Variants in FBXW11 observed in about 807,000 individuals in gnomAD.
FBXW11 encodes F-box/WD repeat-containing protein 11.
A neutral mutation model predicts 77.6 loss-of-function variants in FBXW11; 19 were observed. The ratio of observed to expected loss-of-function variants is 0.24; its 90% CI spans 0.17 to 0.36. FBXW11 has a LOEUF of 0.36. Ranked by LOEUF, FBXW11 falls within the 10% of genes least tolerant of loss-of-function variation. FBXW11 has a pLI of 1.00. For synonymous variants in FBXW11, 235 were observed against 249.4 expected (o/e 0.94, Z 0.54); for missense variants, 334 against 704.2 (o/e 0.47, Z 5.95).
intron 9 of FBXW11, among the ~76,000 whole-genome samples, chr5:171,874,721 G>A (rs1265918440): frequency 7.4e-6 from 1 of 134,324 alleles, no homozygotes; most frequent in Non-Finnish European, 1.5e-5. Context: ...CTAAACACAA[G>A]CCTGGGTGAC....
chr5:171,919,442 T>C (rs1761448178), intron 2 of FBXW11, among the ~76,000 whole-genome samples: 1 of 152,192 alleles, frequency 6.6e-6, no homozygotes, highest in African/African-American at 2.4e-5. Flanking sequence ...AATACCACAA[T>C]ACTCTAACGC....
At chr5:171,892,361 T>C (rs1305949608) in intron 6 of FBXW11, among the ~76,000 whole-genome samples, 1 of 152,222 alleles carries the variant, frequency 6.6e-6, no homozygotes, top group African/African-American at 2.4e-5. Context: ...ATTATTTCCT[T>C]TTTACAAACA....
At chr5:171,996,684 T>G (rs1379488873) in intron 1 of FBXW11, among the ~76,000 whole-genome samples, 1 of 152,178 alleles carries the variant, frequency 6.6e-6, no homozygotes, top group Non-Finnish European at 1.5e-5. Context: ...CTTCTTACAG[T>G]AAAACAAAGT....
intron 4 of FBXW11, 64 bp from the exon 5 acceptor site, chr5:171,900,164 C>T: frequency 7.3e-7 from 1 of 1,374,310 alleles, no homozygotes; most frequent in Non-Finnish European, 9.9e-7. Flanking sequence ...GCCATCATTT[C>T]CTTAAAGATA....
At position 171,975,603 on chromosome 5, in the gene FBXW11, C is replaced by A. The variant is rs185413464; in HGVS notation, c.46-17905G>T. Among the ~76,000 whole-genome samples the A allele has an allele frequency of 7.2e-4, 109 of 152,286 alleles. 1 individual carries two copies. The East Asian group carries it at 0.016, about 22-fold the overall frequency. On this transcript the variant is annotated intron_variant, in intron 1 of 13. Transcript: ENST00000517395. ...ATCTATCACTTTGCTATCTACGTGA[C>A]CTTGGGCAAAAATTAATCACCTCCA...
intron 12 of FBXW11, among the ~76,000 whole-genome samples, 183 bp from the exon 13 acceptor site, chr5:171,868,979 G>C (rs1013307283): frequency 2.0e-5 from 3 of 152,138 alleles, no homozygotes; most frequent in Admixed American, 1.3e-4. Flanking sequence ...TTTCCTGCTA[G>C]GCCTTTTCTT....
chr5:171,914,309 A>G (rs1407709294), intron 3 of FBXW11, 34 bp downstream of exon 3: 1 of 1,557,610 alleles, frequency 6.4e-7, no homozygotes, highest in Non-Finnish European at 8.8e-7. Flanking sequence ...ACAGTAAGTC[A>G]GTTGCTATCT....
chr5:171,977,785 T>C lies in FBXW11; in HGVS notation c.46-20087A>G, dbSNP rs573974588. ...GAAAGATCAGATCTCGTGAGACTTATTCACTATCACGAGAACAGCATGGGA... is the reference window on the plus strand; with the variant it reads ...GAAAGATCAGATCTCGTGAGACTTACTCACTATCACGAGAACAGCATGGGA... On this transcript the variant is annotated intron_variant, in intron 1 of 13. Coordinates refer to ENST00000517395, the MANE Select transcript of FBXW11 (RefSeq NM_001378974.1). 1.2e-5 allele frequency: 4 copies of C among 326,656 alleles called. 1 individual carries two copies. The highest frequency in any genetic ancestry group is 2.4e-5 in the Non-Finnish European group (4 of 164,706). The allele number at this position is 326,656 out of a possible 1,614,324, so 20.2% of individuals were successfully genotyped here. A position where few individuals can be genotyped will look rare whatever the true frequency, so the allele number is the denominator to read the frequency against.
At chr5:171,926,326 GAGTA>G (rs781313111) in intron 2 of FBXW11, among the ~76,000 whole-genome samples, 4 of 152,220 alleles carry the variant, frequency 2.6e-5, no homozygotes, top group African/African-American at 4.8e-5. Context: ...CTCCCTGGCA[GAGTA>G]AGTGAGAAAA....
chr5:171,920,996 T>C (rs1416313895), intron 2 of FBXW11, among the ~76,000 whole-genome samples: 1 of 152,172 alleles, frequency 6.6e-6, no homozygotes, highest in Non-Finnish European at 1.5e-5. Flanking sequence ...AATCCCACAA[T>C]ATTGTGACTT....
At chr5:171,877,537 A>C (rs1039983668) in intron 8 of FBXW11, among the ~76,000 whole-genome samples, 4 of 152,138 alleles carry the variant, frequency 2.6e-5, no homozygotes, top group African/African-American at 9.7e-5. Flanking sequence ...GGACAAGTTC[A>C]CATAGGGCAG....
intron 7 of FBXW11, 74 bp from the exon 8 acceptor site, chr5:171,878,203 T>G (rs1352854130): frequency 1.3e-5 from 13 of 1,022,586 alleles, no homozygotes; most frequent in Non-Finnish European, 1.8e-5. Context: ...TCCCACCTTA[T>G]GTTCTGATTA....
intron 1 of FBXW11, among the ~76,000 whole-genome samples, chr5:171,975,202 G>A (rs1488588286): frequency 2.0e-5 from 3 of 152,190 alleles, no homozygotes; most frequent in African/African-American, 7.2e-5. Flanking sequence ...AACAATAGCT[G>A]TGAAATTACT....
chr5:171,902,691 T>C (rs573104995), intron 4 of FBXW11, among the ~76,000 whole-genome samples: 2 of 152,332 alleles, frequency 1.3e-5, no homozygotes, highest in African/African-American at 2.4e-5. Context: ...CAGGGCACAA[T>C]TGTACCCAAT....
rs1295556021 is a variant in FBXW11, at chr5:171,869,394, G to C, written c.1530+335C>G. Among the ~76,000 whole-genome samples, 1 of 152,100 alleles carries C rather than the reference G, an allele frequency of 6.6e-6. No individual in the cohort carries two copies. Among genetic ancestry groups the C allele is most frequent in the Non-Finnish European group, 1.5e-5 (1 of 68,008 alleles). ...TTTATATATAGTATAAAAATGTGCT[G>C]TTATTAAAACATAACCACAAATAGC... On this transcript the variant is annotated intron_variant, in intron 12 of 13. Transcript: ENST00000517395. The surrounding 1 kb of genome is among the most constrained non-coding windows in gnomAD (Gnocchi z 4.1).
intron 7 of FBXW11, among the ~76,000 whole-genome samples, chr5:171,884,250 T>C (rs999999038): frequency 6.6e-6 from 1 of 152,258 alleles, no homozygotes; most frequent in Non-Finnish European, 1.5e-5. Context: ...TTCATTCTCC[T>C]GTATGTGGCT....
chr5:171,920,428 A>C (rs1279250036), intron 2 of FBXW11, among the ~76,000 whole-genome samples: 1 of 151,222 alleles, frequency 6.6e-6, no homozygotes, highest in Non-Finnish European at 1.5e-5. Flanking sequence ...AAAAAAAAAA[A>C]AAAAAACCCT....
chr5:171,914,459 A>G (rs1412770865), intron 2 of FBXW11, 54 bp from the exon 3 acceptor site: 1 of 1,426,192 alleles, frequency 7.0e-7, no homozygotes, highest in Non-Finnish European at 9.5e-7. Flanking sequence ...CAAATCCTAA[A>G]TAACTACAAT....
Position 171,996,966 on chromosome 5 carries a change from AG to A in FBXW11, c.45+9491del, listed in dbSNP as rs1766090892. The stretch of plus-strand genomic sequence containing the variant: ...TTCCCTTTCAGACTAGTCTGAGAAA[AG>A]ACAGCAGTCAAGCATCTTCCAAGAT... On this transcript the variant is annotated intron_variant, in intron 1 of 13. Coordinates refer to ENST00000517395, the MANE Select transcript of FBXW11 (RefSeq NM_001378974.1). 3.1e-6 allele frequency: 4 copies of A among 1,289,666 alleles called. No homozygotes were observed. The South Asian group carries it at 4.9e-5, about 16-fold the overall frequency. The allele number at this position is 1,289,666 out of a possible 1,614,324, so 79.9% of individuals were successfully genotyped here. A position where few individuals can be genotyped will look rare whatever the true frequency, so the allele number is the denominator to read the frequency against.
Sources: gnomAD v4.1 joint callset for allele counts (sites outside exome capture counted in the v4.1 genomes callset) on GRCh38, gnomAD v4.1.1 for gene constraint, Gnocchi (gnomAD v3.1) non-coding constraint, MANE v1.5 for transcripts, NCBI Gene and HGNC (gene_info 2026-07-23, HGNC 2026-07-21) for gene names.